The following SCMH1 variants were observed in gnomAD, a reference collection of about 807,000 sequenced individuals.
SCMH1 encodes the protein Scm polycomb group protein homolog 1.
SCMH1 carries 37 observed loss-of-function variants against 70.8 expected under a neutral mutation model. The ratio of observed to expected loss-of-function variants is 0.52; its 90% CI spans 0.40 to 0.69. The LOEUF is 0.69. SCMH1 is among the 30% of genes least tolerant of loss of function. SCMH1 has a pLI of 0.00. For missense variants in SCMH1, 607 were observed against 827.3 expected (o/e 0.73, Z 3.27); for synonymous variants, 292 against 307.4 (o/e 0.95, Z 0.52).
At chr1:41,062,401 C>T (rs750756334) in intron 10 of SCMH1, among the ~76,000 whole-genome samples, 3 of 151,142 alleles carry the variant, frequency 2.0e-5, no homozygotes, top group African/African-American at 7.3e-5. Context: ...GTAAGGAGTT[C>T]GAATCCAGCC....
chr1:41,200,906 A>G (rs1654208486), intron 1 of SCMH1, among the ~76,000 whole-genome samples: 2 of 151,362 alleles, frequency 1.3e-5, no homozygotes, highest in South Asian at 2.1e-4. Flanking sequence ...TTGCGGACAG[A>G]TAAGAGATTA....
At chr1:41,102,333 A>C (rs920532457) in intron 8 of SCMH1, among the ~76,000 whole-genome samples, 1 of 152,110 alleles carries the variant, frequency 6.6e-6, no homozygotes, top group Non-Finnish European at 1.5e-5. Context: ...AATTTAGAGG[A>C]TATGTTTTTT....
chr1:41,140,523 C>T lies in SCMH1; in HGVS notation c.412+2355G>A, dbSNP rs543767578. On this transcript the variant is annotated intron_variant, in intron 6 of 14. Transcript: ENST00000337495. Reference sequence around the variant, plus strand: ...GGCCAGAATGATCTCGATCTCCTGACCTTGCGATCTGCCCGCCTCGGCCTC... The same window carrying T: ...GGCCAGAATGATCTCGATCTCCTGATCTTGCGATCTGCCCGCCTCGGCCTC... 1.0e-3 allele frequency among the ~76,000 whole-genome samples: 156 copies of T among 152,202 alleles called. 1 individual carries two copies. The highest frequency in any genetic ancestry group is 1.7e-3 in the Non-Finnish European group (116 of 68,008).
chr1:41,155,747 T>C (rs213740), intron 4 of SCMH1, among the ~76,000 whole-genome samples: 129,223 of 151,982 alleles, frequency 0.85, 55,439 homozygotes, highest in East Asian at 0.97. Flanking sequence ...TTTGGGAGGC[T>C]GAGGCGGGCA....
intron 1 of SCMH1, among the ~76,000 whole-genome samples, chr1:41,188,009 C>G (rs897918595): frequency 1.3e-5 from 2 of 151,768 alleles, no homozygotes; most frequent in African/African-American, 4.8e-5. Flanking sequence ...TAAAAATAAA[C>G]AAAATAAAAT....
chr1:41,228,749 GA>G (rs113412121), intron 1 of SCMH1, among the ~76,000 whole-genome samples: 37,457 of 146,640 alleles, frequency 0.26, 5,200 homozygotes, highest in Non-Finnish European at 0.32. Flanking sequence ...CTGACTTGGG[GA>G]AAAAAAAAAA....
At chr1:41,143,544 A>T (rs1644287896) in intron 5 of SCMH1, among the ~76,000 whole-genome samples, 2 of 152,044 alleles carry the variant, frequency 1.3e-5, no homozygotes, top group South Asian at 4.2e-4. Context: ...TTGAGGGTTA[A>T]TTTTTTCTTA....
chr1:41,106,121 C>T (rs1160335178), intron 8 of SCMH1, among the ~76,000 whole-genome samples: 3 of 151,692 alleles, frequency 2.0e-5, no homozygotes, highest in Admixed American at 1.3e-4. Flanking sequence ...GTGATCTGCC[C>T]GCCTCGGCCT....
At chr1:41,211,651 C>T (rs763714976) in intron 1 of SCMH1, among the ~76,000 whole-genome samples, 7 of 152,156 alleles carry the variant, frequency 4.6e-5, no homozygotes, top group Admixed American at 2.6e-4. Flanking sequence ...TTTGACCCAG[C>T]GATCCCATTA....
intron 1 of SCMH1, among the ~76,000 whole-genome samples, chr1:41,204,339 C>T (rs1465399800): frequency 1.3e-5 from 2 of 152,192 alleles, no homozygotes. Context: ...CCTGTCCTGA[C>T]TATATGTTAA....
chr1:41,188,509 G>A (rs1650848892), intron 1 of SCMH1, among the ~76,000 whole-genome samples: 1 of 152,136 alleles, frequency 6.6e-6, no homozygotes, highest in South Asian at 2.1e-4. Context: ...ATTTTTAATT[G>A]TATTTAATTT....
chr1:41,196,679 A>G (rs1653093346), intron 1 of SCMH1, among the ~76,000 whole-genome samples: 1 of 152,206 alleles, frequency 6.6e-6, no homozygotes, highest in African/African-American at 2.4e-5. Flanking sequence ...CACAGGCAAC[A>G]AAACAGAAAA....
intron 8 of SCMH1, among the ~76,000 whole-genome samples, chr1:41,092,256 AAAAC>A (rs1278593498): frequency 1.3e-5 from 2 of 152,238 alleles, no homozygotes; most frequent in African/African-American, 4.8e-5. Flanking sequence ...AAACCTGAGA[AAAAC>A]AAGAAATAGG....
Position 41,242,108 on chromosome 1 carries a change from T to A in SCMH1, c.-167A>T. The A allele has an allele frequency of 6.9e-6, 1 of 144,570 alleles. No homozygotes were observed. Among genetic ancestry groups the A allele is most frequent in the South Asian group, 1.9e-4 (1 of 5,156 alleles). 9.0% of individuals were successfully genotyped at this position (144,570 alleles called of 1,614,324 possible). On this transcript the variant is annotated 5_prime_UTR_variant, in exon 1 of 15. An upstream start codon of the reference 5' UTR is lost. Coordinates refer to ENST00000337495, the Ensembl canonical transcript of SCMH1. This position sits in a 1 kb window ranked among gnomAD's most constrained non-coding sequence, Gnocchi z 5.2. The stretch of plus-strand genomic sequence containing the variant: ...GCGGCTCACTCTCTTCCCGCCGCCA[T>A]GTTTCCGCTGCGCAGGGAGGGAGCG...
intron 8 of SCMH1, 64 bp from the exon 9 acceptor site, chr1:41,075,515 A>T: frequency 7.1e-7 from 1 of 1,399,806 alleles, no homozygotes; most frequent in Non-Finnish European, 1.0e-6. Context: ...CAGCCAGAAG[A>T]AAAAAAGGAC....
intron 8 of SCMH1, among the ~76,000 whole-genome samples, chr1:41,087,920 C>CAT (rs386366779): frequency 4.2e-5 from 1 of 23,762 alleles, no homozygotes; most frequent in Admixed American, 4.6e-4. Flanking sequence ...ATAATCTATA[C>CAT]ACTATATATA....
At chr1:41,171,300 C>T (rs1294326657) in intron 2 of SCMH1, among the ~76,000 whole-genome samples, 5 of 152,138 alleles carry the variant, frequency 3.3e-5, no homozygotes, top group South Asian at 2.1e-4. Context: ...TATTGATTTG[C>T]CTTCCCTGCA....
At chr1:41,066,435 G>A (rs919191548) in intron 10 of SCMH1, among the ~76,000 whole-genome samples, 7 of 152,094 alleles carry the variant, frequency 4.6e-5, no homozygotes, top group Admixed American at 3.9e-4. Context: ...CTTGCTTTCT[G>A]TGTTTCCTGT....
intron 6 of SCMH1, among the ~76,000 whole-genome samples, chr1:41,121,790 C>T (rs1265848520): frequency 1.3e-5 from 2 of 152,126 alleles, no homozygotes; most frequent in Admixed American, 1.3e-4. Flanking sequence ...CTATTCCCTC[C>T]AAACTTGTTC....
Sources: allele counts gnomAD v4.1 joint callset (sites outside exome capture counted in the v4.1 genomes callset), GRCh38; gene constraint gnomAD v4.1.1; non-coding constraint Gnocchi (gnomAD v3.1); transcripts MANE v1.5; gene names NCBI Gene and HGNC (gene_info 2026-07-23, HGNC 2026-07-21).